Variants in C16orf74 observed in about 807,000 individuals in gnomAD.
C16orf74 encodes uncharacterized protein C16orf74.
A neutral mutation model predicts 6.5 loss-of-function variants in C16orf74; 10 were observed. The observed-to-expected ratio is 1.54, with a 90% CI of 0.95 to 2.61. C16orf74 has a LOEUF of 2.61. C16orf74 is among the 30% of genes most tolerant of loss of function. C16orf74 has a pLI of 0.00. For missense variants in C16orf74, 141 were observed against 105.9 expected, an observed-to-expected ratio of 1.33 and a Z score of -1.45; for synonymous variants, 60 against 42.5, an observed-to-expected ratio of 1.41 and a Z score of -1.60.
At chr16:85,727,327 C>T (rs997440686) in intron 2 of C16orf74, among the ~76,000 whole-genome samples, 1 of 152,196 alleles carries the variant, frequency 6.6e-6, no homozygotes, top group Non-Finnish European at 1.5e-5. Context: ...CAATCAACCC[C>T]AGGCTGAGCC....
chr16:85,713,206 G>A (rs2053987121), intron 2 of C16orf74, among the ~76,000 whole-genome samples: 1 of 152,080 alleles, frequency 6.6e-6, no homozygotes, highest in East Asian at 1.9e-4. Context: ...GCTCGTAGAA[G>A]CCTCACCCCA....
intron 2 of C16orf74, among the ~76,000 whole-genome samples, chr16:85,725,684 A>C (rs935828250): frequency 2.0e-5 from 3 of 152,128 alleles, no homozygotes; most frequent in Admixed American, 1.3e-4. Flanking sequence ...GCTCACTGCA[A>C]CTTCCATCTC....
chr16:85,743,866 A>G (rs2054338653), intron 1 of C16orf74, among the ~76,000 whole-genome samples: 1 of 152,116 alleles, frequency 6.6e-6, no homozygotes, highest in Non-Finnish European at 1.5e-5. Context: ...ATCCTGGCTA[A>G]CACAGTGAAA....
At chr16:85,746,089 G>C (rs2054370386) in intron 1 of C16orf74, among the ~76,000 whole-genome samples, 1 of 152,158 alleles carries the variant, frequency 6.6e-6, no homozygotes. Flanking sequence ...GCTCATTCCT[G>C]TCATCCCAGC....
intron 2 of C16orf74, among the ~76,000 whole-genome samples, chr16:85,718,793 C>T (rs900916782): frequency 2.0e-5 from 3 of 152,234 alleles, no homozygotes; most frequent in African/African-American, 4.8e-5. Context: ...ATCCACATCA[C>T]GTGATTTGAA....
chr16:85,707,935 G>A lies in C16orf74; in HGVS notation c.*73C>T. 2 of 1,343,032 alleles carry A rather than the reference G, an allele frequency of 1.5e-6. No homozygotes were observed. The highest frequency in any genetic ancestry group is 2.1e-6 in the Non-Finnish European group (2 of 964,298). 83.2% of individuals were successfully genotyped at this position (1,343,032 alleles called of 1,614,324 possible). A position where few individuals can be genotyped will look rare whatever the true frequency, so the allele number is the denominator to read the frequency against. On this transcript the variant is annotated 3_prime_UTR_variant, in exon 4 of 4. Transcript: ENST00000284245. ...AGGGTATTCAGCACACCTGCTCCAG[G>A]CAGCCACGCCCCCGGACACCTGAAG...
At chr16:85,747,579 G>C (rs111863256) in intron 1 of C16orf74, among the ~76,000 whole-genome samples, 4 of 152,234 alleles carry the variant, frequency 2.6e-5, no homozygotes, top group African/African-American at 9.6e-5. Flanking sequence ...TCTTGACCTG[G>C]TGCACACTTT....
chr16:85,745,001 C>T lies in C16orf74; in HGVS notation c.-19+5925G>A, dbSNP rs2054356742. On this transcript the variant is annotated intron_variant, in intron 1 of 3. Coordinates refer to ENST00000284245, the MANE Select transcript of C16orf74 (RefSeq NM_206967.3). The stretch of plus-strand genomic sequence containing the variant: ...TACTAAAAATACAAAATTAGCCAGG[C>T]ATTGTGGCGCACGCCTGTAATCCCA... 2.6e-5 allele frequency among the ~76,000 whole-genome samples: 4 copies of T among 151,422 alleles called. No homozygotes were observed. The South Asian group carries it at 6.3e-4, about 24-fold the overall frequency.
chr16:85,725,217 G>C lies in C16orf74; in HGVS notation c.28+9973C>G, dbSNP rs2152061420. ...CACTGCCCTGAGCCGAAGGGAGGCT[G>C]GAGTGGGGTGTCTCTCAGGAGCTCC... On this transcript the variant is annotated intron_variant, in intron 2 of 3. Coordinates refer to ENST00000284245, the MANE Select transcript of C16orf74 (RefSeq NM_206967.3). 3.9e-5 allele frequency among the ~76,000 whole-genome samples: 6 copies of C among 152,300 alleles called. 1 individual carries two copies. In the Middle Eastern group the frequency reaches 0.02, roughly 518 times the overall value.
chr16:85,723,137 G>A (rs1463754208), intron 2 of C16orf74, among the ~76,000 whole-genome samples: 1 of 151,920 alleles, frequency 6.6e-6, no homozygotes, highest in African/African-American at 2.4e-5. Flanking sequence ...GTGCATGCCT[G>A]TAATCCCAGC....
chr16:85,709,970 C>T (rs753123287), intron 3 of C16orf74, among the ~76,000 whole-genome samples, 194 bp downstream of exon 3: 2 of 152,276 alleles, frequency 1.3e-5, no homozygotes, highest in Non-Finnish European at 2.9e-5. Context: ...TAACACGCCG[C>T]GTCGTGCTGA....
chr16:85,736,582 G>C (rs1323797187), intron 1 of C16orf74, among the ~76,000 whole-genome samples: 1 of 151,980 alleles, frequency 6.6e-6, no homozygotes, highest in African/African-American at 2.4e-5. Flanking sequence ...GAGGGAAAGC[G>C]AGAGATACTG....
chr16:85,730,147 G>C (rs966610508), intron 2 of C16orf74, among the ~76,000 whole-genome samples: 91 of 152,178 alleles, frequency 6.0e-4, no homozygotes, highest in African/African-American at 2.0e-3. Flanking sequence ...GCTGTGGCTG[G>C]TCAGAGCGGG....
intron 2 of C16orf74, among the ~76,000 whole-genome samples, chr16:85,723,741 G>A (rs772166561): frequency 2.2e-4 from 33 of 152,246 alleles, no homozygotes; most frequent in Non-Finnish European, 4.3e-4. Flanking sequence ...GGGCGTGCAC[G>A]TAGCCGTGCT....
At position 85,710,279 on chromosome 16, in the gene C16orf74, G is replaced by T; in HGVS notation, c.57C>A (p.Ser19Arg). Residue 19 changes from serine (S) to arginine (R), a missense_variant, in exon 3 of 4, where the codon AGC becomes AGA. Transcript: ENST00000284245. ...GGACGGGGGCCTCGTCGTGGCTGCT[G>T]CTGCTGCTGCTGACACACATTTGAA... is the stretch of plus-strand genomic sequence containing the variant. ...KGFQMCVSSS[S>R]SSHDEAPVLN... is the part of the protein sequence containing the mutation. 2 of 1,505,848 alleles carry T rather than the reference G, an allele frequency of 1.3e-6. No homozygotes were observed. The highest frequency in any genetic ancestry group is 1.8e-6 in the Non-Finnish European group (2 of 1,139,360). 93.3% of individuals were successfully genotyped at this position (1,505,848 alleles called of 1,614,324 possible). A position where few individuals can be genotyped will look rare whatever the true frequency, so the allele number is the denominator to read the frequency against.
intron 2 of C16orf74, among the ~76,000 whole-genome samples, chr16:85,720,854 G>A (rs536486749): frequency 1.3e-4 from 20 of 151,458 alleles, no homozygotes; most frequent in Admixed American, 1.2e-3. Flanking sequence ...TTGGGAGGCC[G>A]AGGCGGGTGG....
At chr16:85,712,553 T>A (rs1390187368) in intron 2 of C16orf74, among the ~76,000 whole-genome samples, 1 of 152,214 alleles carries the variant, frequency 6.6e-6, no homozygotes, top group Non-Finnish European at 1.5e-5. Context: ...AGGGATGATC[T>A]GTTTGAATCC....
intron 1 of C16orf74, among the ~76,000 whole-genome samples, chr16:85,739,562 G>C (rs2054280527): frequency 6.6e-6 from 1 of 152,222 alleles, no homozygotes; most frequent in Admixed American, 6.5e-5. Flanking sequence ...GGAGATAGGA[G>C]AGCATGACAT....
At chr16:85,734,262 G>A (rs1184415541) in intron 2 of C16orf74, among the ~76,000 whole-genome samples, 1 of 152,146 alleles carries the variant, frequency 6.6e-6, no homozygotes, top group Non-Finnish European at 1.5e-5. Flanking sequence ...TCGTGCTCCC[G>A]GTGACCTGAG....
Sources: allele counts gnomAD v4.1 joint callset (sites outside exome capture counted in the v4.1 genomes callset), GRCh38; gene constraint gnomAD v4.1.1; transcripts MANE v1.5; gene names NCBI Gene and HGNC (gene_info 2026-07-23, HGNC 2026-07-21).